SLC2A9: variants seen among roughly 807,000 people sequenced by gnomAD.
The protein encoded by SLC2A9 is solute carrier family 2 member 9.
SLC2A9 carries 39 observed loss-of-function variants against 50.6 expected under a neutral mutation model. That is an observed-to-expected ratio of 0.77 (90% CI 0.60 to 1.01). The LOEUF (loss-of-function observed/expected upper bound fraction) is 1.01, where lower values mean the gene tolerates loss of function less well. SLC2A9 is among the 50% of genes least tolerant of loss of function. SLC2A9 has a pLI of 0.00. For synonymous variants in SLC2A9, 324 were observed against 276.9 expected (o/e 1.17, Z -1.69); for missense variants, 686 against 677.6 (o/e 1.01, Z -0.14).
downstream of SLC2A9, among the ~76,000 whole-genome samples, chr4:9,778,561 C>T (rs888035318): frequency 6.6e-6 from 1 of 152,212 alleles, no homozygotes; most frequent in Non-Finnish European, 1.5e-5. Flanking sequence ...CCACCCACAG[C>T]TTTCAATACC....
intron 5 of SLC2A9, among the ~76,000 whole-genome samples, chr4:9,955,867 ATTTTTT>A (rs1170286158): frequency 4.9e-5 from 3 of 61,692 alleles, no homozygotes; most frequent in African/African-American, 1.4e-4. Flanking sequence ...AAGCATCTGG[ATTTTTT>A]TTTTTTTTTT....
chr4:9,992,048 C>A (rs1447847901), intron 3 of SLC2A9, among the ~76,000 whole-genome samples: 2 of 152,128 alleles, frequency 1.3e-5, no homozygotes, highest in Non-Finnish European at 2.9e-5. Flanking sequence ...ATGATGAAAG[C>A]AAAAATAGTC....
intron 3 of SLC2A9, among the ~76,000 whole-genome samples, chr4:9,818,045 G>A (rs1174050827): frequency 6.6e-6 from 1 of 152,148 alleles, no homozygotes; most frequent in Non-Finnish European, 1.5e-5. Context: ...AGACAAATTG[G>A]GGTTGAGGAT....
downstream of SLC2A9, among the ~76,000 whole-genome samples, chr4:9,777,977 G>T (rs1318796879): frequency 1.3e-5 from 2 of 152,180 alleles, no homozygotes; most frequent in Non-Finnish European, 2.9e-5. Flanking sequence ...GCAGTCTCAT[G>T]TTCAGTAGAC....
At chr4:9,997,653 T>C (rs1023960255) in intron 2 of SLC2A9, among the ~76,000 whole-genome samples, 5 of 151,878 alleles carry the variant, frequency 3.3e-5, no homozygotes, top group Admixed American at 2.0e-4. Flanking sequence ...TGAGCCAAGA[T>C]TGCGCCATTG....
chr4:9,909,799 G>A (rs1560285312), intron 7 of SLC2A9, among the ~76,000 whole-genome samples: 1 of 152,214 alleles, frequency 6.6e-6, no homozygotes, highest in Admixed American at 6.5e-5. Flanking sequence ...TTCTGATGGG[G>A]ACACCCCCTG....
At chr4:9,864,028 G>A (rs1256814352) in intron 10 of SLC2A9, among the ~76,000 whole-genome samples, 3 of 151,860 alleles carry the variant, frequency 2.0e-5, no homozygotes, top group African/African-American at 7.3e-5. Flanking sequence ...GGGACTGGGG[G>A]GTTGCCATAC....
intron 8 of SLC2A9, among the ~76,000 whole-genome samples, chr4:9,896,901 G>A (rs576024687): frequency 6.6e-6 from 1 of 152,260 alleles, no homozygotes; most frequent in Admixed American, 6.5e-5. Context: ...GATCTGTGGG[G>A]CTGCCCTTAT....
intron 1 of SLC2A9, among the ~76,000 whole-genome samples, chr4:10,030,525 T>A (rs921954869): frequency 1.3e-5 from 2 of 152,016 alleles, no homozygotes; most frequent in Non-Finnish European, 2.9e-5. Context: ...AAATGCAGCA[T>A]CCTAAGGGGA....
chr4:9,866,574 G>GT (rs1732503032), intron 10 of SLC2A9, among the ~76,000 whole-genome samples: 1 of 152,110 alleles, frequency 6.6e-6, no homozygotes, highest in South Asian at 2.1e-4. Context: ...GCTCATGTCA[G>GT]TGACAACCCG....
chr4:9,808,583 A>G (rs1722430895), intron 3 of SLC2A9, among the ~76,000 whole-genome samples: 1 of 152,204 alleles, frequency 6.6e-6, no homozygotes, highest in Non-Finnish European at 1.5e-5. Context: ...CTCGGGATAA[A>G]TTATTTAACC....
chr4:9,959,301 A>T (rs1398375982), intron 5 of SLC2A9, among the ~76,000 whole-genome samples: 1 of 151,648 alleles, frequency 6.6e-6, no homozygotes, highest in Non-Finnish European at 1.5e-5. Context: ...CTAAGGCAGG[A>T]GAATCACCTG....
chr4:9,810,448 T>C (rs949207610), intron 3 of SLC2A9, among the ~76,000 whole-genome samples: 5 of 152,232 alleles, frequency 3.3e-5, no homozygotes, highest in Non-Finnish European at 7.3e-5. Flanking sequence ...GGATGAGATT[T>C]TGGTAAATTC....
chr4:9,870,644 C>T (rs1276680839), intron 10 of SLC2A9, among the ~76,000 whole-genome samples: 1 of 152,238 alleles, frequency 6.6e-6, no homozygotes, highest in Non-Finnish European at 1.5e-5. Flanking sequence ...CTAATTAACT[C>T]TGCCATAGGC....
intron 8 of SLC2A9, among the ~76,000 whole-genome samples, chr4:9,904,603 G>A (rs1740286106): frequency 6.6e-6 from 1 of 152,154 alleles, no homozygotes; most frequent in Non-Finnish European, 1.5e-5. Context: ...GGACATCTTG[G>A]GGAGCCATTG....
At chr4:9,929,107 A>C (rs183429164) in intron 6 of SLC2A9, among the ~76,000 whole-genome samples, 126 of 152,338 alleles carry the variant, frequency 8.3e-4, no homozygotes, top group African/African-American at 3.0e-3. Context: ...CGTTGCAATA[A>C]CATTGGTCAC....
intron 3 of SLC2A9, chr4:9,783,127 G>A: frequency 6.2e-7 from 1 of 1,614,236 alleles, no homozygotes; most frequent in African/African-American, 1.3e-5. Context: ...CCGACTTTCA[G>A]AAGGTGTTTG....
chr4:9,934,023 GCCTTAATTCCATCTGTGA>G (rs1361001267), intron 6 of SLC2A9, among the ~76,000 whole-genome samples: 2 of 152,182 alleles, frequency 1.3e-5, no homozygotes, highest in African/African-American at 2.4e-5. Context: ...CTGATGAGCA[GCCTTAATTCCATCTGTGA>G]CCTTAATTCC....
chr4:9,946,776 T>C (rs905524626), intron 5 of SLC2A9, among the ~76,000 whole-genome samples: 15 of 152,344 alleles, frequency 9.8e-5, no homozygotes, highest in African/African-American at 3.6e-4. Flanking sequence ...ACCTTGATCT[T>C]TGTCTCCTTA....
Sources: allele counts gnomAD v4.1 joint callset (sites outside exome capture counted in the v4.1 genomes callset), GRCh38; gene constraint gnomAD v4.1.1; transcripts MANE v1.5; gene names NCBI Gene and HGNC (gene_info 2026-07-23, HGNC 2026-07-21).